The following ZDHHC21 variants were observed in gnomAD, a reference collection of about 807,000 sequenced individuals.
ZDHHC21 encodes palmitoyltransferase ZDHHC21.
In ZDHHC21, 15 loss-of-function variants were observed where a neutral mutation model predicts 34.6. That is an observed-to-expected ratio of 0.43 (90% CI 0.29 to 0.67). The LOEUF is 0.67. Among genes scored for constraint, ZDHHC21 ranks in the 30% least tolerant of loss-of-function variants. The probability of loss-of-function intolerance (pLI) is 0.14; values close to 1 mark genes in which losing one functional copy is unlikely to be tolerated. For synonymous variants in ZDHHC21, 142 were observed against 101.8 expected, an observed-to-expected ratio of 1.40 and a Z score of -2.38; for missense variants, 344 against 327.7, an observed-to-expected ratio of 1.05 and a Z score of -0.38.
chr9:14,658,048 T>G (rs996340151), intron 7 of ZDHHC21, among the ~76,000 whole-genome samples: 1 of 152,208 alleles, frequency 6.6e-6, no homozygotes, highest in Non-Finnish European at 1.5e-5. Context: ...ATATCATTAC[T>G]GATGAAAGGC....
In ZDHHC21 at chr9:14,658,531, C is replaced by T. The variant is rs1298956504; in HGVS notation, c.504+218G>A. 8.9e-5 allele frequency among the ~76,000 whole-genome samples: 10 copies of T among 112,166 alleles called. No individual in the cohort carries two copies. In the South Asian group the frequency reaches 1.3e-3, roughly 14 times the overall value. The allele number at this position is 112,166 out of a possible 152,430, so 73.6% of individuals were successfully genotyped here. A position where few individuals can be genotyped will look rare whatever the true frequency, so the allele number is the denominator to read the frequency against. On this transcript the variant is annotated intron_variant, in intron 7 of 9. Coordinates refer to ENST00000380916, the MANE Select transcript of ZDHHC21 (RefSeq NM_178566.6). ...TGTCGCCCAGGTTGGAGTGCAGTGG[C>T]GCAATCTCGGCTCACTGCAGGCTCC...
chr9:14,658,977 T>C (rs1011906827), intron 6 of ZDHHC21, 90 bp from the exon 7 acceptor site: 3 of 1,301,298 alleles, frequency 2.3e-6, no homozygotes, highest in African/African-American at 1.5e-5. Flanking sequence ...ACAAATAATA[T>C]CACATATGCT....
chr9:14,596,243 C>T, the ZDHHC21 span, among the ~76,000 whole-genome samples: 103 of 152,308 alleles, frequency 6.8e-4, no homozygotes, highest in Middle Eastern at 6.8e-3. Flanking sequence ...CAAAATGGAA[C>T]AGCAGAATGA....
the ZDHHC21 span, among the ~76,000 whole-genome samples, chr9:14,599,000 C>G: frequency 6.6e-6 from 1 of 152,080 alleles, no homozygotes; most frequent in African/African-American, 2.4e-5. Context: ...TGAGCTCAAG[C>G]GATCCTCCTG....
intron 7 of ZDHHC21, among the ~76,000 whole-genome samples, chr9:14,648,756 T>C (rs1004244907): frequency 1.3e-5 from 2 of 152,118 alleles, no homozygotes; most frequent in Non-Finnish European, 2.9e-5. Flanking sequence ...CAATAATATG[T>C]ACTGAATGAC....
At chr9:14,595,336 C>T in the ZDHHC21 span, among the ~76,000 whole-genome samples, 2 of 152,080 alleles carry the variant, frequency 1.3e-5, no homozygotes, top group Admixed American at 1.3e-4. Context: ...AATAAAAAGG[C>T]ATAGATTACG....
intron 1 of ZDHHC21, among the ~76,000 whole-genome samples, chr9:14,691,683 T>C (rs763253755): frequency 2.6e-5 from 4 of 152,202 alleles, no homozygotes; most frequent in Non-Finnish European, 5.9e-5. Flanking sequence ...CAACTACAGC[T>C]TCTCAAGTAT....
chr9:14,639,869 G>T (rs772729956), intron 8 of ZDHHC21, 27 bp downstream of exon 8: 9 of 1,298,746 alleles, frequency 6.9e-6, no homozygotes, highest in Admixed American at 2.1e-5. Flanking sequence ...ATTCATAAAT[G>T]TTACTTTACA....
At chr9:14,619,248 T>C (rs1824826050) in intron 9 of ZDHHC21, 150 bp from the exon 10 acceptor site, 20 of 894,808 alleles carry the variant, frequency 2.2e-5, no homozygotes, top group Non-Finnish European at 3.2e-6. Context: ...CATTATGGCA[T>C]GCAGCTGAGT....
At chr9:14,608,672 C>G (rs1586826069), downstream of ZDHHC21, among the ~76,000 whole-genome samples, 1 of 149,260 alleles carries the variant, frequency 6.7e-6, no homozygotes. Context: ...TTTTTTTTTT[C>G]AAGCTAACAC....
the ZDHHC21 span, among the ~76,000 whole-genome samples, chr9:14,591,138 TAA>T: frequency 6.6e-6 from 1 of 151,918 alleles, no homozygotes; most frequent in Non-Finnish European, 1.5e-5. Flanking sequence ...TAAAATGGGG[TAA>T]AGGAAAATAC....
intron 5 of ZDHHC21, among the ~76,000 whole-genome samples, chr9:14,667,643 T>C (rs1201174526): frequency 4.4e-5 from 4 of 90,912 alleles, no homozygotes; most frequent in African/African-American, 1.8e-4. Context: ...ATCAAAAAGC[T>C]TATCCACCAT....
At chr9:14,677,994 C>T (rs1229806044) in intron 3 of ZDHHC21, among the ~76,000 whole-genome samples, 1 of 152,070 alleles carries the variant, frequency 6.6e-6, no homozygotes, top group African/African-American at 2.4e-5. Flanking sequence ...TACAGTTTTA[C>T]GTGATTCTTC....
rs141530653 is a variant in ZDHHC21, at chr9:14,683,951, C to T, written c.-175-3789G>A. On this transcript the variant is annotated intron_variant, in intron 2 of 9. Transcript: ENST00000380916. ...TATAAACAGAACCAAAGACAAAAACCACACGGTTATCTCAATAGATGCAGA... is the reference window on the plus strand; with the variant it reads ...TATAAACAGAACCAAAGACAAAAACTACACGGTTATCTCAATAGATGCAGA... Among the ~76,000 whole-genome samples the T allele has an allele frequency of 2.2e-3, 341 of 152,246 alleles. 5 individuals are homozygous for T. Among genetic ancestry groups the T allele is most frequent in the African/African-American group, 7.9e-3 (329 of 41,542 alleles).
At chr9:14,677,613 ACT>A (rs989942956) in intron 3 of ZDHHC21, 7 of 151,942 alleles carry the variant, frequency 4.6e-5, no homozygotes, top group Non-Finnish European at 7.4e-5. Context: ...TTAACTCAAA[ACT>A]CTGATTAAGT....
intron 7 of ZDHHC21, among the ~76,000 whole-genome samples, chr9:14,643,752 AAT>A (rs1393676342): frequency 1.3e-5 from 2 of 152,196 alleles, no homozygotes; most frequent in Non-Finnish European, 2.9e-5. Context: ...TTTGTATATG[AAT>A]ATTCAACTGT....
chr9:14,599,420 C>T, the ZDHHC21 span, among the ~76,000 whole-genome samples: 1 of 152,138 alleles, frequency 6.6e-6, no homozygotes, highest in Non-Finnish European at 1.5e-5. Flanking sequence ...CCAGCCCAGA[C>T]ATTACACTTT....
At chr9:14,599,980 A>C in the ZDHHC21 span, among the ~76,000 whole-genome samples, 1 of 152,180 alleles carries the variant, frequency 6.6e-6, no homozygotes, top group Non-Finnish European at 1.5e-5. Context: ...AACTCTCAAC[A>C]AACTAGGTAT....
At chr9:14,598,398 T>A in the ZDHHC21 span, among the ~76,000 whole-genome samples, 2 of 152,090 alleles carry the variant, frequency 1.3e-5, no homozygotes, top group African/African-American at 4.8e-5. Flanking sequence ...CCACTCAGAA[T>A]CAAAACCAAA....
Sources: allele counts gnomAD v4.1 joint callset (sites outside exome capture counted in the v4.1 genomes callset), GRCh38; gene constraint gnomAD v4.1.1; transcripts MANE v1.5; gene names NCBI Gene and HGNC (gene_info 2026-07-23, HGNC 2026-07-21).